The following GRID1 variants were observed in gnomAD, a reference collection of about 807,000 sequenced individuals.
The protein encoded by GRID1 is glutamate receptor ionotropic, delta-1.
In GRID1, 28 loss-of-function variants were observed where a neutral mutation model predicts 98.0. That is an observed-to-expected ratio of 0.29 (90% confidence interval 0.21 to 0.39). GRID1 has a LOEUF of 0.39. Ranked by LOEUF, GRID1 falls within the 10% of genes least tolerant of loss-of-function variation. The pLI, the probability that GRID1 is intolerant of heterozygous loss-of-function variation, is 1.00. For synonymous variants in GRID1, 553 were observed against 538.5 expected (o/e 1.03, Z -0.37); for missense variants, 1,111 against 1,340.5 (o/e 0.83, Z 2.67).
intron 3 of GRID1, among the ~76,000 whole-genome samples, chr10:86,182,414 G>C (rs1845668959): frequency 6.6e-6 from 1 of 152,234 alleles, no homozygotes; most frequent in African/African-American, 2.4e-5. Flanking sequence ...GACTGGCCAA[G>C]GCCGCCCCAG....
chr10:86,276,848 G>A lies in GRID1; in HGVS notation c.236-70200C>T, dbSNP rs561818285. On this transcript the variant is annotated intron_variant, in intron 2 of 15. Coordinates refer to ENST00000327946, the MANE Select transcript of GRID1 (RefSeq NM_017551.3). ...AAATCAAGGCAGAAAGCAGTGGGAC[G>A]ACATATTTCAAGTGCTGGAAAAAAA... 5.3e-5 allele frequency among the ~76,000 whole-genome samples: 8 copies of A among 151,586 alleles called. No individual in the cohort carries two copies. The Middle Eastern group carries it at 0.01, about 193-fold the overall frequency.
intron 4 of GRID1, among the ~76,000 whole-genome samples, chr10:86,040,982 A>G (rs1439226664): frequency 2.0e-5 from 3 of 152,088 alleles, no homozygotes; most frequent in Non-Finnish European, 4.4e-5. Flanking sequence ...GTGCAGCTGC[A>G]CAACTTGGCT....
At chr10:85,674,208 C>T (rs1841118825) in intron 12 of GRID1, among the ~76,000 whole-genome samples, 1 of 152,156 alleles carries the variant, frequency 6.6e-6, no homozygotes, top group Admixed American at 6.5e-5. Context: ...TGTGCTGTGA[C>T]TTGCCCAAGA....
chr10:85,934,216 C>T (rs1001024077), intron 4 of GRID1, among the ~76,000 whole-genome samples: 3 of 152,040 alleles, frequency 2.0e-5, no homozygotes, highest in Admixed American at 1.3e-4. Context: ...CATGGAGGTA[C>T]TGGGCTGAAA....
chr10:86,236,271 T>A (rs1294339244), intron 2 of GRID1, among the ~76,000 whole-genome samples: 1 of 152,272 alleles, frequency 6.6e-6, no homozygotes, highest in East Asian at 1.9e-4. Flanking sequence ...CTCATTTATA[T>A]GTTCTGGACA....
At chr10:86,006,626 A>C (rs76422024) in intron 4 of GRID1, among the ~76,000 whole-genome samples, 1 of 152,168 alleles carries the variant, frequency 6.6e-6, no homozygotes, top group Non-Finnish European at 1.5e-5. Context: ...AAAAAAAAAA[A>C]AGCACTTAAA....
At chr10:86,310,928 C>T (rs1433117656) in intron 2 of GRID1, among the ~76,000 whole-genome samples, 1 of 152,144 alleles carries the variant, frequency 6.6e-6, no homozygotes, top group Admixed American at 6.5e-5. Context: ...GCAGAGGGTA[C>T]AGGAAGGTGA....
chr10:85,610,015 G>A (rs536186080), intron 15 of GRID1, among the ~76,000 whole-genome samples: 1 of 152,286 alleles, frequency 6.6e-6, no homozygotes, highest in South Asian at 2.1e-4. Context: ...TCTTCTTCAA[G>A]TAAGTGTCTA....
At chr10:85,606,607 C>T (rs544753989) in intron 15 of GRID1, 2 of 152,204 alleles carry the variant, frequency 1.3e-5, no homozygotes, top group African/African-American at 4.8e-5. Flanking sequence ...GGAGCCAGAG[C>T]TGAGGTGCGC....
At chr10:85,679,243 T>C (rs1841179872) in intron 12 of GRID1, among the ~76,000 whole-genome samples, 1 of 152,224 alleles carries the variant, frequency 6.6e-6, no homozygotes, top group African/African-American at 2.4e-5. Context: ...CCCAGGCTTC[T>C]GACCAAGCTC....
intron 2 of GRID1, among the ~76,000 whole-genome samples, chr10:86,285,106 G>A (rs1434121855): frequency 1.3e-5 from 2 of 151,136 alleles, no homozygotes; most frequent in Admixed American, 1.3e-4. Flanking sequence ...CATGGCCAGG[G>A]ACCTTTGCCT....
chr10:85,883,835 C>G (rs556507073), intron 5 of GRID1, among the ~76,000 whole-genome samples: 1 of 152,108 alleles, frequency 6.6e-6, no homozygotes, highest in Non-Finnish European at 1.5e-5. Flanking sequence ...GAAGAAAACT[C>G]CCCGCTCCAT....
At chr10:85,881,924 C>G (rs919348136) in intron 5 of GRID1, among the ~76,000 whole-genome samples, 18 of 151,978 alleles carry the variant, frequency 1.2e-4, no homozygotes, top group Admixed American at 6.6e-4. Flanking sequence ...AACAAATTTA[C>G]AAGAAAAAAA....
chr10:85,701,633 G>A (rs1412983349), intron 12 of GRID1, among the ~76,000 whole-genome samples: 1 of 152,104 alleles, frequency 6.6e-6, no homozygotes, highest in South Asian at 2.1e-4. Flanking sequence ...GAAATCCAAA[G>A]AGAATCAACC....
chr10:85,799,363 T>C lies in GRID1; in HGVS notation c.1233+55133A>G, dbSNP rs73330531. Among the ~76,000 whole-genome samples the C allele has an allele frequency of 5.3e-3, 802 of 152,276 alleles. 6 individuals carry two copies. The highest frequency in any genetic ancestry group is 0.018 in the African/African-American group (755 of 41,576). Reference sequence around the variant, plus strand: ...CCATACAAAGTTTAGAACTGTTTTCTTCTATATATGAAAAATGATTATGTT... The same window carrying C: ...CCATACAAAGTTTAGAACTGTTTTCCTCTATATATGAAAAATGATTATGTT... On this transcript the variant is annotated intron_variant, in intron 8 of 15. Coordinates refer to ENST00000327946, the MANE Select transcript of GRID1 (RefSeq NM_017551.3).
chr10:86,331,162 C>A (rs148803323), intron 2 of GRID1, among the ~76,000 whole-genome samples: 42 of 152,350 alleles, frequency 2.8e-4, no homozygotes, highest in African/African-American at 7.7e-4. Context: ...GCCTGGCCCA[C>A]GGGATGTGTT....
chr10:85,886,702 AG>A (rs895285550), intron 5 of GRID1, among the ~76,000 whole-genome samples: 4 of 152,230 alleles, frequency 2.6e-5, no homozygotes, highest in African/African-American at 9.6e-5. Flanking sequence ...TTTATAATGA[AG>A]GGAAATTTTC....
chr10:85,756,730 C>T (rs1479109629), intron 8 of GRID1, among the ~76,000 whole-genome samples: 2 of 152,158 alleles, frequency 1.3e-5, no homozygotes, highest in African/African-American at 4.8e-5. Context: ...GTAACTGAAA[C>T]CATGAAAACT....
At position 86,365,040 on chromosome 10, in the gene GRID1, G is replaced by A. The variant is rs187640462; in HGVS notation, c.80-944C>T. Among the ~76,000 whole-genome samples, 78 of 152,232 alleles carry A rather than the reference G, an allele frequency of 5.1e-4. No individual in the cohort carries two copies. Among genetic ancestry groups the A allele is most frequent in the Middle Eastern group, 6.8e-3 (2 of 294 alleles). ...AAGCCTCGAGGGTCCCTGAGGTCCC[G>A]GAGCTAGGCCCAGTGATCCCTCGAG... On this transcript the variant is annotated intron_variant, in intron 1 of 15. Transcript: ENST00000327946. The surrounding 1 kb of genome is among the most constrained non-coding windows in gnomAD (Gnocchi z 4.8).
Sources: gnomAD v4.1 joint callset for allele counts (sites outside exome capture counted in the v4.1 genomes callset) on GRCh38, gnomAD v4.1.1 for gene constraint, Gnocchi (gnomAD v3.1) non-coding constraint, MANE v1.5 for transcripts, NCBI Gene and HGNC (gene_info 2026-07-23, HGNC 2026-07-21) for gene names.